The following ACSF3 variants were observed in gnomAD, a reference collection of about 807,000 sequenced individuals.
ACSF3 encodes acyl-CoA synthetase family member 3.
ACSF3 carries 78 observed loss-of-function variants against 53.2 expected under a neutral mutation model. The ratio of observed to expected loss-of-function variants is 1.47; its 90% CI spans 1.22 to 1.77. The LOEUF is 1.77. Ranked by LOEUF, ACSF3 falls within the 40% of genes most tolerant of loss-of-function variation. The pLI, the probability that ACSF3 is intolerant of heterozygous loss-of-function variation, is 0.00. For missense variants in ACSF3, 937 were observed against 771.1 expected (o/e 1.22, Z -2.55); for synonymous variants, 414 against 333.1 (o/e 1.24, Z -2.65).
intron 8 of ACSF3, among the ~76,000 whole-genome samples, chr16:89,143,881 TG>T (rs35874793): frequency 0.28 from 42,911 of 151,974 alleles, 6,815 homozygotes; most frequent in East Asian, 0.66. Context: ...AGTGGTGAGG[TG>T]GATGGATGGG....
chr16:89,120,402 G>A (rs937373517), intron 6 of ACSF3, among the ~76,000 whole-genome samples: 2 of 152,238 alleles, frequency 1.3e-5, no homozygotes, highest in African/African-American at 4.8e-5. Flanking sequence ...AGGGCAAGGC[G>A]CCAGCCCTCC....
At chr16:89,136,500 A>C in intron 8 of ACSF3, 1 of 1,230,072 alleles carries the variant, frequency 8.1e-7, no homozygotes, top group South Asian at 1.4e-5. Flanking sequence ...GGAGAGCATG[A>C]TATTAAATAG....
chr16:89,135,385 T>C (rs1910220772), intron 8 of ACSF3, among the ~76,000 whole-genome samples: 1 of 152,216 alleles, frequency 6.6e-6, no homozygotes, highest in Non-Finnish European at 1.5e-5. Flanking sequence ...GCAGGTGTGC[T>C]AGGTGTGTGG....
intron 2 of ACSF3, among the ~76,000 whole-genome samples, chr16:89,100,174 C>T (rs1349014466): frequency 6.6e-6 from 1 of 152,206 alleles, no homozygotes; most frequent in African/African-American, 2.4e-5. Flanking sequence ...ACCACATTTC[C>T]ACTGCGCACC....
chr16:89,136,219 G>A (rs1011114854), intron 8 of ACSF3, among the ~76,000 whole-genome samples: 5 of 152,264 alleles, frequency 3.3e-5, no homozygotes, highest in Non-Finnish European at 5.9e-5. Context: ...GGCTGCGAGC[G>A]TGGAAACACT....
rs144681466 is a variant in ACSF3 at position 89,114,050 on chromosome 16, G to A, written c.978-289G>A. The A allele has an allele frequency of 7.5e-3, 3,403 of 452,490 alleles. 16 individuals carry two copies. Among genetic ancestry groups the A allele is most frequent in the Middle Eastern group, 0.016 (25 of 1,534 alleles). The allele number at this position is 452,490 out of a possible 1,614,324, so 28.0% of individuals were successfully genotyped here. A position where few individuals can be genotyped will look rare whatever the true frequency, so the allele number is the denominator to read the frequency against. On this transcript the variant is annotated intron_variant, in intron 5 of 10. Coordinates refer to ENST00000614302, the MANE Select transcript of ACSF3 (RefSeq NM_001243279.3). ...GCGCAGGAACTTTGCAGGGGACACCGCGGACCCTAAGCACATTGTTTACCC... is the reference window on the plus strand; with the variant it reads ...GCGCAGGAACTTTGCAGGGGACACCACGGACCCTAAGCACATTGTTTACCC...
intron 8 of ACSF3, among the ~76,000 whole-genome samples, chr16:89,142,685 T>A (rs967610312): frequency 7.6e-6 from 1 of 131,096 alleles, no homozygotes; most frequent in East Asian, 2.2e-4. Flanking sequence ...AGAGACACCC[T>A]CACCTGCAGA....
intron 1 of ACSF3, among the ~76,000 whole-genome samples, chr16:89,096,994 C>G (rs1974694421): frequency 6.7e-6 from 1 of 150,278 alleles, no homozygotes; most frequent in Non-Finnish European, 1.5e-5. Flanking sequence ...TTGAGTTTGC[C>G]CAGCCCAGCT....
chr16:89,095,562 A>T (rs886994796), intron 1 of ACSF3, among the ~76,000 whole-genome samples: 6 of 118,284 alleles, frequency 5.1e-5, no homozygotes, highest in African/African-American at 1.7e-4. Flanking sequence ...GGCAGCCGAC[A>T]GGAGGAAGTG....
At chr16:89,099,104 C>T (rs1039829383) in intron 2 of ACSF3, among the ~76,000 whole-genome samples, 2 of 152,240 alleles carry the variant, frequency 1.3e-5, no homozygotes, top group African/African-American at 2.4e-5. Flanking sequence ...TTATAAAGGG[C>T]CAGGGATGCA....
At chr16:89,094,687 G>A (rs1005824570) in intron 1 of ACSF3, among the ~76,000 whole-genome samples, 4 of 152,190 alleles carry the variant, frequency 2.6e-5, no homozygotes, top group African/African-American at 4.8e-5. Flanking sequence ...GTGGCCAGGA[G>A]TTCAAAGCCA....
At chr16:89,137,924 G>C (rs1178619668) in intron 8 of ACSF3, among the ~76,000 whole-genome samples, 1 of 152,208 alleles carries the variant, frequency 6.6e-6, no homozygotes, top group African/African-American at 2.4e-5. Context: ...GCTGCTTCCA[G>C]GGCCCAGCTG....
At chr16:89,124,046 C>T (rs1262202793) in intron 7 of ACSF3, among the ~76,000 whole-genome samples, 3 of 151,030 alleles carry the variant, frequency 2.0e-5, no homozygotes, top group Non-Finnish European at 4.4e-5. Context: ...GTATCACACA[C>T]ATGCAGTGCA....
intron 3 of ACSF3, 43 bp from the exon 4 acceptor site, chr16:89,102,561 A>G (rs1319716489): frequency 1.2e-6 from 2 of 1,610,786 alleles, no homozygotes; most frequent in Non-Finnish European, 8.5e-7. Context: ...GTTGCGGGCC[A>G]CAGTCTTGCT....
chr16:89,137,336 C>A (rs1377302050), intron 8 of ACSF3, among the ~76,000 whole-genome samples: 1 of 145,614 alleles, frequency 6.9e-6, no homozygotes, highest in Non-Finnish European at 1.5e-5. Context: ...GGGAAGAGCC[C>A]CGGGTCTCGG....
intron 4 of ACSF3, among the ~76,000 whole-genome samples, chr16:89,107,915 A>G (rs1567695260): frequency 6.6e-6 from 1 of 152,246 alleles, no homozygotes; most frequent in Non-Finnish European, 1.5e-5. Flanking sequence ...TGATAAAGAC[A>G]TACCCAAGAC....
chr16:89,131,896 G>A (rs568435922), intron 7 of ACSF3, among the ~76,000 whole-genome samples: 3 of 152,398 alleles, frequency 2.0e-5, no homozygotes, highest in Admixed American at 1.3e-4. Context: ...GGAAAGCCCC[G>A]TCACCATGTG....
At position 89,112,132 on chromosome 16, in the gene ACSF3, A is replaced by G. The variant is rs1331831336; in HGVS notation, c.863A>G (p.Asn288Ser). Residue 288 changes from asparagine (N) to serine (S), a missense_variant, in exon 5 of 11, where the codon AAT becomes AGT. Coordinates refer to ENST00000614302, the MANE Select transcript of ACSF3 (RefSeq NM_001243279.3). ...KFLSSETPRI[N>S]VFMAVPTIYT... ...TTAAGTTCTGAAACGCCGCGGATCA[A>G]TGTCTTTATGGCAGTGCCTACAATA... 2.7e-6 allele frequency: 3 copies of G among 1,099,262 alleles called. No homozygotes were observed. The highest frequency in any genetic ancestry group is 3.4e-6 in the Non-Finnish European group (3 of 889,896). 68.1% of individuals were successfully genotyped at this position (1,099,262 alleles called of 1,614,324 possible). A position where few individuals can be genotyped will look rare whatever the true frequency, so the allele number is the denominator to read the frequency against.
At chr16:89,137,229 G>A (rs1910705303) in intron 8 of ACSF3, among the ~76,000 whole-genome samples, 1 of 151,960 alleles carries the variant, frequency 6.6e-6, no homozygotes, top group Admixed American at 6.6e-5. Flanking sequence ...AAGAGCCAGG[G>A]ATCCCGGGAG....
Sources: gnomAD v4.1 joint callset for allele counts (sites outside exome capture counted in the v4.1 genomes callset) on GRCh38, gnomAD v4.1.1 for gene constraint, MANE v1.5 for transcripts, NCBI Gene and HGNC (gene_info 2026-07-23, HGNC 2026-07-21) for gene names.